The following NRXN3 variants were observed in gnomAD, a reference collection of about 807,000 sequenced individuals.
The protein encoded by NRXN3 is neurexin III.
A neutral mutation model predicts 137.6 loss-of-function variants in NRXN3; 32 were observed. The observed-to-expected ratio is 0.23, with a 90% confidence interval of 0.18 to 0.31. The LOEUF is 0.31. Ranked by LOEUF, NRXN3 falls within the 10% of genes least tolerant of loss-of-function variation. The pLI, the probability that NRXN3 is intolerant of heterozygous loss-of-function variation, is 1.00. For synonymous variants in NRXN3, 798 were observed against 784.5 expected (o/e 1.02, Z -0.29); for missense variants, 1,574 against 2,062.5 (o/e 0.76, Z 4.59).
At chr14:79,320,636 A>C (rs1260470802) in intron 15 of NRXN3, among the ~76,000 whole-genome samples, 1 of 152,184 alleles carries the variant, frequency 6.6e-6, no homozygotes, top group Non-Finnish European at 1.5e-5. Context: ...TAAATGCAAG[A>C]CCAATGCCCC....
chr14:79,787,927 C>G (rs2099134168), intron 19 of NRXN3, among the ~76,000 whole-genome samples: 1 of 152,266 alleles, frequency 6.6e-6, no homozygotes, highest in South Asian at 2.1e-4. Context: ...TCTCTTCCAC[C>G]TTTTGCATGT....
At chr14:78,942,655 A>AT in intron 10 of NRXN3, among the ~76,000 whole-genome samples, 1 of 152,270 alleles carries the variant, frequency 6.6e-6, no homozygotes, top group East Asian at 1.9e-4. Flanking sequence ...GAGAGATTTG[A>AT]TAAAAGACAC....
chr14:78,720,632 A>C (rs754229890), intron 8 of NRXN3, among the ~76,000 whole-genome samples: 3 of 152,186 alleles, frequency 2.0e-5, no homozygotes, highest in Non-Finnish European at 2.9e-5. Context: ...CCCATCCTGC[A>C]TCTGTCCACT....
intron 16 of NRXN3, among the ~76,000 whole-genome samples, chr14:79,522,647 G>A (rs1373445630): frequency 6.6e-6 from 1 of 152,088 alleles, no homozygotes; most frequent in Non-Finnish European, 1.5e-5. Flanking sequence ...GGATCCCATG[G>A]AAACCTTTAC....
At chr14:79,744,589 C>T (rs1002464579) in intron 19 of NRXN3, among the ~76,000 whole-genome samples, 3 of 152,250 alleles carry the variant, frequency 2.0e-5, no homozygotes, top group South Asian at 2.1e-4. Context: ...ATCAACGCTT[C>T]GCTTGCTTCT....
chr14:79,004,507 G>A (rs970183970), intron 15 of NRXN3, among the ~76,000 whole-genome samples: 1 of 152,166 alleles, frequency 6.6e-6, no homozygotes, highest in Non-Finnish European at 1.5e-5. Context: ...GCCTCCCAAA[G>A]TGCTGGGATT....
chr14:78,846,866 A>T (rs1483627097), intron 10 of NRXN3, among the ~76,000 whole-genome samples: 2 of 151,802 alleles, frequency 1.3e-5, no homozygotes, highest in African/African-American at 4.8e-5. Context: ...TACTTTTTCA[A>T]TTTTATCTCA....
At chr14:79,388,569 G>T (rs1188172994) in intron 15 of NRXN3, among the ~76,000 whole-genome samples, 1 of 151,768 alleles carries the variant, frequency 6.6e-6, no homozygotes, top group Non-Finnish European at 1.5e-5. Context: ...GTGCTTTGTG[G>T]CACATAATGA....
chr14:78,894,514 C>T (rs1049772048), intron 10 of NRXN3, among the ~76,000 whole-genome samples: 1 of 151,920 alleles, frequency 6.6e-6, no homozygotes, highest in Non-Finnish European at 1.5e-5. Context: ...CATCTACTTT[C>T]TCCACTGATG....
At chr14:79,545,072 G>A (rs368719089) in intron 16 of NRXN3, among the ~76,000 whole-genome samples, 3 of 152,234 alleles carry the variant, frequency 2.0e-5, no homozygotes, top group African/African-American at 7.2e-5. Context: ...GGATTTTTTG[G>A]TCATTTTTTC....
chr14:79,467,823 C>A (rs73339478), intron 16 of NRXN3, among the ~76,000 whole-genome samples: 1 of 152,122 alleles, frequency 6.6e-6, no homozygotes, highest in African/African-American at 2.4e-5. Context: ...ATATTTTGGA[C>A]TTTGCAGGTC....
At chr14:78,401,961 A>G (rs1275853103) in intron 4 of NRXN3, among the ~76,000 whole-genome samples, 1 of 152,238 alleles carries the variant, frequency 6.6e-6, no homozygotes, top group African/African-American at 2.4e-5. Context: ...CCAATGTTGT[A>G]CAGCTTTAAA....
chr14:79,142,420 C>T (rs941184459), intron 15 of NRXN3, among the ~76,000 whole-genome samples: 1 of 149,386 alleles, frequency 6.7e-6, no homozygotes, highest in Non-Finnish European at 1.5e-5. Context: ...AGTGAGACTC[C>T]GTTTCAAAAA....
At chr14:78,173,739 G>T (rs1255217622) in intron 1 of NRXN3, among the ~76,000 whole-genome samples, 7 of 53,240 alleles carry the variant, frequency 1.3e-4, no homozygotes, top group African/African-American at 5.5e-4. Context: ...CACAACAGTC[G>T]TGCGATGGCC....
intron 16 of NRXN3, among the ~76,000 whole-genome samples, chr14:79,636,472 A>G (rs1040305082): frequency 3.9e-5 from 6 of 152,160 alleles, no homozygotes. Flanking sequence ...AAACTGTGAT[A>G]ATTTTTGTGT....
At chr14:78,755,701 GGAAA>G (rs769330555) in intron 8 of NRXN3, among the ~76,000 whole-genome samples, 8 of 152,116 alleles carry the variant, frequency 5.3e-5, no homozygotes, top group Non-Finnish European at 1.0e-4. Flanking sequence ...GATAGGCTGA[GGAAA>G]GGTACTTAGT....
intron 8 of NRXN3, among the ~76,000 whole-genome samples, chr14:78,768,982 C>T (rs979118964): frequency 6.6e-6 from 1 of 152,164 alleles, no homozygotes; most frequent in Non-Finnish European, 1.5e-5. Context: ...TCAATCTCCT[C>T]CATCTTCATC....
At chr14:79,043,035 T>G (rs2099627527) in intron 15 of NRXN3, among the ~76,000 whole-genome samples, 1 of 152,146 alleles carries the variant, frequency 6.6e-6, no homozygotes, top group African/African-American at 2.4e-5. Context: ...TCATTTTTCT[T>G]TACTTCTTAA....
chr14:79,431,572 A>C (rs1297123033), intron 15 of NRXN3, among the ~76,000 whole-genome samples: 2 of 152,146 alleles, frequency 1.3e-5, no homozygotes, highest in Non-Finnish European at 2.9e-5. Context: ...TTGACAGCCT[A>C]AGCAAAGAAA....
Sources: gnomAD v4.1 joint callset for allele counts (sites outside exome capture counted in the v4.1 genomes callset) on GRCh38, gnomAD v4.1.1 for gene constraint, MANE v1.5 for transcripts, NCBI Gene and HGNC (gene_info 2026-07-23, HGNC 2026-07-21) for gene names.